CNTLN: variants seen among roughly 807,000 people sequenced by gnomAD.
CNTLN encodes centlein.
In CNTLN, 212 loss-of-function variants were observed where a neutral mutation model predicts 180.0. That is an observed-to-expected ratio of 1.18 (90% CI 1.05 to 1.32). The LOEUF (loss-of-function observed/expected upper bound fraction) is 1.32. Ranked by LOEUF, CNTLN falls within the 40% of genes most tolerant of loss-of-function variation. The pLI is 0.00. For synonymous variants in CNTLN, 722 were observed against 563.1 expected (o/e 1.28, Z -3.99); for missense variants, 2,095 against 1,610.9 (o/e 1.30, Z -5.14).
At chr9:17,448,840 G>T (rs1308231932) in intron 18 of CNTLN, among the ~76,000 whole-genome samples, 1 of 152,116 alleles carries the variant, frequency 6.6e-6, no homozygotes, top group Non-Finnish European at 1.5e-5. Context: ...AATTAAAGTG[G>T]TGAATAGTAA....
Position 17,394,753 on chromosome 9 carries a change from C to A in CNTLN, c.2299C>A (p.Leu767Met). Residue 767 changes from leucine (L) to methionine (M), a missense_variant, in exon 15 of 26, where the codon CTG (leucine) becomes ATG (methionine). By Grantham distance (15) the Leu-to-Met change is conservative. Coordinates refer to ENST00000380647, the MANE Select transcript of CNTLN (RefSeq NM_017738.4). ...TGAACTTCAAGTAAAAATCAGTGAG[C>A]TGGAGACAGAAGTCACTTCCCTGAG... ...NTELQVKISE[L>M]ETEVTSLRRQ... 1 of 1,613,862 alleles carries A rather than the reference C, an allele frequency of 6.2e-7. No homozygotes were observed. The highest frequency in any genetic ancestry group is 8.5e-7 in the Non-Finnish European group (1 of 1,179,926).
intron 2 of CNTLN, among the ~76,000 whole-genome samples, chr9:17,222,582 C>T (rs1305349992): frequency 2.6e-5 from 4 of 152,028 alleles, no homozygotes; most frequent in Non-Finnish European, 5.9e-5. Context: ...AAGTACCTTT[C>T]ACCTCCTGCC....
intron 2 of CNTLN, among the ~76,000 whole-genome samples, chr9:17,173,290 G>A (rs1328802096): frequency 6.6e-6 from 1 of 152,026 alleles, no homozygotes; most frequent in Non-Finnish European, 1.5e-5. Context: ...ACAAATTAGG[G>A]TATACATTTT....
intron 18 of CNTLN, among the ~76,000 whole-genome samples, chr9:17,451,972 C>T (rs2004280): frequency 0.051 from 7,792 of 152,166 alleles, 691 homozygotes; most frequent in African/African-American, 0.18. Context: ...GAGCTATACC[C>T]GATCCCATTC....
intron 8 of CNTLN, among the ~76,000 whole-genome samples, chr9:17,323,898 A>T (rs1820090048): frequency 6.6e-6 from 1 of 152,214 alleles, no homozygotes; most frequent in South Asian, 2.1e-4. Flanking sequence ...TTGATAATGC[A>T]ATCAGGAATT....
rs1827668135 is a variant in CNTLN at position 17,409,415 on chromosome 9, A to C, written c.2738A>C (p.Gln913Pro). 6.2e-7 allele frequency: 1 copy of C among 1,613,208 alleles called. No homozygotes were observed. The highest frequency in any genetic ancestry group is 1.3e-5 in the African/African-American group (1 of 74,868). ...QKESDPTEDSQTQGKEIVQTY... is the reference protein window; with the variant it reads ...QKESDPTEDSPTQGKEIVQTY... ...GAAAGTGATCCAACAGAAGACAGCCAAACACAAGGAAAAGAAATAGTACAG... is the reference window on the plus strand; with the variant it reads ...GAAAGTGATCCAACAGAAGACAGCCCAACACAAGGAAAAGAAATAGTACAG... The change falls in exon 16 of 26, where the codon CAA becomes CCA. Residue 913 changes from glutamine (Q) to proline (P), a missense_variant. Gln to Pro is a moderately conservative substitution (Grantham distance 76). Transcript: ENST00000380647.
intron 12 of CNTLN, among the ~76,000 whole-genome samples, chr9:17,359,356 A>G (rs961125379): frequency 2.0e-5 from 3 of 152,082 alleles, no homozygotes; most frequent in African/African-American, 4.8e-5. Flanking sequence ...CTAAATAGAA[A>G]TGAAAAATTG....
chr9:17,302,082 A>T (rs918492372), intron 7 of CNTLN: 71 of 977,222 alleles, frequency 7.3e-5, no homozygotes, highest in Non-Finnish European at 1.3e-5. Flanking sequence ...CTGACTACAC[A>T]TATGTGTACA....
intron 18 of CNTLN, among the ~76,000 whole-genome samples, chr9:17,440,979 G>A (rs1480257085): frequency 2.6e-5 from 4 of 152,172 alleles, no homozygotes; most frequent in Non-Finnish European, 5.9e-5. Flanking sequence ...TTCTTTAGAA[G>A]TACTCTACAA....
chr9:17,165,876 G>T (rs1820036763), intron 2 of CNTLN, among the ~76,000 whole-genome samples: 1 of 152,170 alleles, frequency 6.6e-6, no homozygotes, highest in Non-Finnish European at 1.5e-5. Context: ...AAACAACAGA[G>T]ACACACTGAC....
chr9:17,347,056 C>T (rs1821955150), intron 12 of CNTLN, among the ~76,000 whole-genome samples: 1 of 152,026 alleles, frequency 6.6e-6, no homozygotes, highest in Admixed American at 6.6e-5. Flanking sequence ...TCTAAAATTT[C>T]CATTGGGTTC....
In CNTLN at chr9:17,329,472, A is replaced by G. The variant is rs62561380; in HGVS notation, c.1342-1160A>G. Among the ~76,000 whole-genome samples the G allele has an allele frequency of 2.9e-3, 443 of 152,260 alleles. 1 individual carries two copies. The highest frequency in any genetic ancestry group is 4.3e-3 in the South Asian group (21 of 4,830). ...AGCAAGATAATGAAATAAGTAATAT[A>G]TTGTAAGTATGGTAACAGTACAATG... On this transcript the variant is annotated intron_variant, in intron 8 of 25. Transcript: ENST00000380647.
At chr9:17,310,668 A>G (rs1213805829) in intron 8 of CNTLN, among the ~76,000 whole-genome samples, 3 of 152,158 alleles carry the variant, frequency 2.0e-5, no homozygotes, top group Non-Finnish European at 4.4e-5. Context: ...AAGTGGTTTT[A>G]TCAGTTTTAC....
intron 23 of CNTLN, among the ~76,000 whole-genome samples, chr9:17,470,167 T>G (rs1588067817): frequency 1.3e-5 from 2 of 151,896 alleles, no homozygotes; most frequent in South Asian, 4.1e-4. Context: ...GTCTTCAGGG[T>G]ATTGTTACAT....
At chr9:17,227,832 A>G (rs1039404469) in intron 3 of CNTLN, among the ~76,000 whole-genome samples, 18 of 152,078 alleles carry the variant, frequency 1.2e-4, no homozygotes, top group Admixed American at 5.9e-4. Flanking sequence ...ATTTTAGTAA[A>G]TTTGTTCTGG....
intron 12 of CNTLN, among the ~76,000 whole-genome samples, chr9:17,358,156 A>T (rs902928348): frequency 6.6e-6 from 1 of 152,104 alleles, no homozygotes; most frequent in African/African-American, 2.4e-5. Flanking sequence ...GTGAAACAGG[A>T]TGCATGAATA....
At chr9:17,217,529 T>G (rs1823843365) in intron 2 of CNTLN, among the ~76,000 whole-genome samples, 2 of 152,242 alleles carry the variant, frequency 1.3e-5, no homozygotes, top group Non-Finnish European at 2.9e-5. Flanking sequence ...AGTTAGCACT[T>G]TATTCAGCAC....
At chr9:17,517,297 C>T in the CNTLN span, among the ~76,000 whole-genome samples, 2 of 151,520 alleles carry the variant, frequency 1.3e-5, no homozygotes, top group Admixed American at 6.6e-5. Context: ...GAGGCTGAGG[C>T]AGGAGAATGG....
chr9:17,142,030 C>T (rs184076559), intron 1 of CNTLN, among the ~76,000 whole-genome samples: 29 of 147,300 alleles, frequency 2.0e-4, no homozygotes, highest in African/African-American at 6.5e-4. Context: ...TGCAGTGAGC[C>T]GAGATTGCGC....
Sources: gnomAD v4.1 joint callset for allele counts (sites outside exome capture counted in the v4.1 genomes callset) on GRCh38, gnomAD v4.1.1 for gene constraint, MANE v1.5 for transcripts, NCBI Gene and HGNC (gene_info 2026-07-23, HGNC 2026-07-21) for gene names.